The following MAF variants were observed in gnomAD, a reference collection of about 807,000 sequenced individuals.
The protein encoded by MAF is transcription factor Maf.
In MAF, 10 loss-of-function variants were observed where a neutral mutation model predicts 22.0. That is an observed-to-expected ratio of 0.45 (90% confidence interval 0.28 to 0.77). The LOEUF is 0.77. Among genes scored for constraint, MAF ranks in the 30% least tolerant of loss-of-function variants. The pLI, the probability that MAF is intolerant of heterozygous loss-of-function variation, is 0.12. For synonymous variants in MAF, 337 were observed against 255.8 expected, an observed-to-expected ratio of 1.32 and a Z score of -3.03; for missense variants, 544 against 548.4, an observed-to-expected ratio of 0.99 and a Z score of 0.08.
the MAF span, among the ~76,000 whole-genome samples, chr16:79,254,415 C>A: frequency 6.6e-6 from 1 of 152,124 alleles, no homozygotes; most frequent in African/African-American, 2.4e-5. Flanking sequence ...TTTATTTAAT[C>A]ATTTCCATTT....
At chr16:79,433,086 G>A in the MAF span, among the ~76,000 whole-genome samples, 2 of 152,080 alleles carry the variant, frequency 1.3e-5, no homozygotes, top group Admixed American at 6.6e-5. Flanking sequence ...TCAAATCTGG[G>A]GCTCAGCAAA....
At chr16:79,560,555 G>C in the MAF span, among the ~76,000 whole-genome samples, 1 of 152,014 alleles carries the variant, frequency 6.6e-6, no homozygotes, top group South Asian at 2.1e-4. Context: ...AAAGGCATTT[G>C]AGAAATAGCA....
At position 79,600,072 on chromosome 16, in the gene MAF, A is replaced by ACACC; in HGVS notation, c.-171_-170insGGTG. The ACACC allele has an allele frequency of 4.0e-6, 3 of 746,486 alleles. No individual in the cohort carries two copies. Among genetic ancestry groups the ACACC allele is most frequent in the Non-Finnish European group, 6.2e-6 (3 of 483,994 alleles). The allele number at this position is 746,486 out of a possible 1,614,324, so 46.2% of individuals were successfully genotyped here. ...AACCTCCGAGCGCGCTCACACACAC[A>ACACC]CCCCCCCGCCCTGCCCGCGCCCCCC... On this transcript the variant is annotated 5_prime_UTR_variant, in exon 1 of 2. Coordinates refer to ENST00000326043, the MANE Select transcript of MAF (RefSeq NM_005360.5).
the MAF span, among the ~76,000 whole-genome samples, chr16:79,253,463 T>A: frequency 3.3e-5 from 5 of 152,314 alleles, no homozygotes; most frequent in African/African-American, 7.2e-5. Context: ...GCAGTGTAAT[T>A]TCTATGTAAT....
At chr16:79,329,931 C>T in the MAF span, among the ~76,000 whole-genome samples, 1 of 151,742 alleles carries the variant, frequency 6.6e-6, no homozygotes, top group Non-Finnish European at 1.5e-5. Flanking sequence ...AACAGACACA[C>T]CATACAATAA....
chr16:79,279,496 G>A, the MAF span, among the ~76,000 whole-genome samples: 1 of 152,212 alleles, frequency 6.6e-6, no homozygotes, highest in Non-Finnish European at 1.5e-5. Flanking sequence ...CTGGGGAAGA[G>A]GCTGAAGCGG....
the MAF span, among the ~76,000 whole-genome samples, chr16:79,497,595 T>A: frequency 5.9e-5 from 9 of 152,340 alleles, no homozygotes; most frequent in South Asian, 1.0e-3. Flanking sequence ...ACAGGCCTCA[T>A]GTGGGTCTAC....
At chr16:79,507,737 T>C in the MAF span, among the ~76,000 whole-genome samples, 1 of 152,344 alleles carries the variant, frequency 6.6e-6, no homozygotes, top group East Asian at 1.9e-4. Flanking sequence ...ATCCTACTTT[T>C]CTACTCAACA....
the MAF span, among the ~76,000 whole-genome samples, chr16:79,575,715 A>G: frequency 2.0e-5 from 3 of 152,206 alleles, no homozygotes; most frequent in Non-Finnish European, 2.9e-5. Flanking sequence ...ATGTACCTTC[A>G]TCCCCAATTT....
At chr16:79,371,417 C>T in the MAF span, among the ~76,000 whole-genome samples, 1,088 of 152,314 alleles carry the variant, frequency 7.1e-3, 9 homozygotes, top group African/African-American at 0.025. Flanking sequence ...GGACGAGTGT[C>T]TAGAAATATG....
the MAF span, among the ~76,000 whole-genome samples, chr16:79,227,210 G>C: frequency 2.0e-5 from 3 of 152,092 alleles, no homozygotes; most frequent in African/African-American, 7.2e-5. Context: ...AATTATCCAG[G>C]CATGGCGGCA....
At chr16:79,395,458 G>A in the MAF span, among the ~76,000 whole-genome samples, 1 of 152,140 alleles carries the variant, frequency 6.6e-6, no homozygotes, top group Non-Finnish European at 1.5e-5. Context: ...TAGTGAGTCA[G>A]GTGAGATCAT....
chr16:79,315,472 G>A, the MAF span, among the ~76,000 whole-genome samples: 2,430 of 152,214 alleles, frequency 0.016, 16 homozygotes, highest in Middle Eastern at 0.044. Flanking sequence ...ACCAATGAGA[G>A]CATCGTTGAG....
chr16:79,272,730 T>C, the MAF span, among the ~76,000 whole-genome samples: 94 of 152,234 alleles, frequency 6.2e-4, no homozygotes, highest in African/African-American at 2.0e-3. Flanking sequence ...CTCCCAACCA[T>C]ATTTTTTTAA....
At chr16:79,217,949 T>C in the MAF span, among the ~76,000 whole-genome samples, 3 of 126,114 alleles carry the variant, frequency 2.4e-5, no homozygotes, top group Non-Finnish European at 4.7e-5. Context: ...CACTGCCCAT[T>C]CTGTTCACCA....
chr16:79,498,947 G>C, the MAF span, among the ~76,000 whole-genome samples: 3 of 152,154 alleles, frequency 2.0e-5, no homozygotes, highest in East Asian at 5.8e-4. Flanking sequence ...CAGATGTGTA[G>C]CAAGGAATTA....
chr16:79,299,347 G>GAAAAAAAAAAAAAAAAAAAAAAAA, the MAF span, among the ~76,000 whole-genome samples: 5 of 86,824 alleles, frequency 5.8e-5, no homozygotes, highest in East Asian at 2.4e-4. Flanking sequence ...CAAAGAAAAA[G>GAAAAAAAAAAAAAAAAAAAAAAAA]AAAAAAAAAA....
chr16:79,453,383 C>G, the MAF span, among the ~76,000 whole-genome samples: 1 of 152,134 alleles, frequency 6.6e-6, no homozygotes, highest in East Asian at 1.9e-4. Flanking sequence ...ATTTATCAAC[C>G]AGGATACTTT....
chr16:79,448,296 G>A, the MAF span, among the ~76,000 whole-genome samples: 9 of 151,470 alleles, frequency 5.9e-5, no homozygotes, highest in South Asian at 1.0e-3. Flanking sequence ...ACTATGATAA[G>A]TCAGCAGCCA....
Sources: gnomAD v4.1 joint callset for allele counts (sites outside exome capture counted in the v4.1 genomes callset) on GRCh38, gnomAD v4.1.1 for gene constraint, MANE v1.5 for transcripts, NCBI Gene and HGNC (gene_info 2026-07-23, HGNC 2026-07-21) for gene names.